Variants in CFAP69 observed in about 807,000 individuals in gnomAD.
CFAP69 encodes the protein cilia- and flagella-associated protein 69.
A neutral mutation model predicts 123.0 loss-of-function variants in CFAP69; 92 were observed. That is an observed-to-expected ratio of 0.75 (90% CI 0.63 to 0.89). The LOEUF (loss-of-function observed/expected upper bound fraction) is 0.89. Ranked by LOEUF, CFAP69 falls within the 40% of genes least tolerant of loss-of-function variation. The pLI is 0.00. For missense variants in CFAP69, 1,067 were observed against 1,096.9 expected (o/e 0.97, Z 0.39); for synonymous variants, 380 against 364.3 (o/e 1.04, Z -0.49).
chr7:90,277,401 G>T, intron 11 of CFAP69, 67 bp downstream of exon 11: 1 of 1,228,038 alleles, frequency 8.1e-7, no homozygotes, highest in Non-Finnish European at 1.1e-6. Flanking sequence ...CTATTTTAAA[G>T]TCTTGACTGT....
At chr7:90,288,562 A>G (rs1411559343) in intron 15 of CFAP69, among the ~76,000 whole-genome samples, 2 of 152,182 alleles carry the variant, frequency 1.3e-5, no homozygotes, top group Non-Finnish European at 2.9e-5. Context: ...ATGTCATATT[A>G]CTGTACTGAA....
chr7:90,312,342 C>G (rs574583040), downstream of CFAP69, among the ~76,000 whole-genome samples: 63 of 152,236 alleles, frequency 4.1e-4, 1 homozygote, highest in Non-Finnish European at 8.8e-5. Context: ...ATGAATATAA[C>G]CAAGGTGTGG....
At chr7:90,265,436 G>A in intron 5 of CFAP69, 59 bp downstream of exon 5, 1 of 1,140,820 alleles carries the variant, frequency 8.8e-7, no homozygotes, top group Non-Finnish European at 1.3e-6. Context: ...CTACTGACAA[G>A]GGAATATCTA....
chr7:90,310,252 CT>C lies in CFAP69; in HGVS notation c.*19del. On this transcript the variant is annotated 3_prime_UTR_variant, in exon 23 of 23. Coordinates refer to ENST00000389297, the MANE Select transcript of CFAP69 (RefSeq NM_001039706.3). Reference sequence around the variant, plus strand: ...ATTCCTACGTAATATACTATAGAGACTTTTTGAAATAAAGTCAGCTTATAAT... The same window carrying C: ...ATTCCTACGTAATATACTATAGAGACTTTTGAAATAAAGTCAGCTTATAAT... 1 of 1,568,604 alleles carries C rather than the reference CT, an allele frequency of 6.4e-7. No homozygotes were observed. Among genetic ancestry groups the C allele is most frequent in the Non-Finnish European group, 8.7e-7 (1 of 1,154,820 alleles).
chr7:90,266,382 T>C (rs1031513006), intron 5 of CFAP69, among the ~76,000 whole-genome samples: 6 of 152,132 alleles, frequency 3.9e-5, no homozygotes, highest in Non-Finnish European at 8.8e-5. Flanking sequence ...TTCAGAAATA[T>C]GGGAATTTTT....
chr7:90,288,831 T>G (rs529587621), intron 15 of CFAP69, among the ~76,000 whole-genome samples: 1 of 152,212 alleles, frequency 6.6e-6, no homozygotes, highest in Non-Finnish European at 1.5e-5. Context: ...TACACTAAAC[T>G]TACTTTTAAA....
At chr7:90,256,500 T>C (rs914859834) in intron 2 of CFAP69, among the ~76,000 whole-genome samples, 1 of 151,368 alleles carries the variant, frequency 6.6e-6, no homozygotes, top group Non-Finnish European at 1.5e-5. Context: ...ACATTCTGCA[T>C]GTGTATCCCA....
chr7:90,288,138 C>A (rs2117160572), intron 14 of CFAP69, 96 bp from the exon 15 acceptor site: 1 of 875,822 alleles, frequency 1.1e-6, no homozygotes, highest in Non-Finnish European at 1.7e-6. Context: ...CTGTATTTCT[C>A]TGGTAAAAAA....
chr7:90,286,786 T>G (rs568308313), intron 14 of CFAP69, among the ~76,000 whole-genome samples: 43 of 152,280 alleles, frequency 2.8e-4, no homozygotes, highest in African/African-American at 8.9e-4. Flanking sequence ...AGCATCATAT[T>G]TTAGAAATAT....
chr7:90,313,255 C>T (rs1358070888), downstream of CFAP69, among the ~76,000 whole-genome samples: 2 of 152,180 alleles, frequency 1.3e-5, no homozygotes, highest in Non-Finnish European at 2.9e-5. Context: ...AAAGATTTTT[C>T]AGGTGAGCAG....
intron 1 of CFAP69, 95 bp downstream of exon 1, chr7:90,245,639 G>A: frequency 7.2e-7 from 1 of 1,391,236 alleles, no homozygotes; most frequent in Non-Finnish European, 9.4e-7. Flanking sequence ...GTGGAACTGG[G>A]GACAGGAGTG....
chr7:90,284,468 C>A (rs552377140), intron 13 of CFAP69, among the ~76,000 whole-genome samples: 32 of 152,144 alleles, frequency 2.1e-4, no homozygotes, highest in African/African-American at 7.5e-4. Context: ...TGTGTAGACA[C>A]TGGGGTTACA....
intron 17 of CFAP69, chr7:90,303,701 A>G (rs1268652957): frequency 6.9e-6 from 7 of 1,007,916 alleles, no homozygotes; most frequent in African/African-American, 3.4e-5. Context: ...TTATTTACAT[A>G]GAAGTTTTAC....
chr7:90,299,871 AC>A lies in CFAP69; in HGVS notation c.1864del (p.Gln622LysfsTer7). ...TTTTCTGTTTCCTTGCTAAAGTTGA[AC>A]CAAAAAAAATTCTGTAATCTAATAC... ...IFLLLDLLAL[N>X]QKKFCNLILG... On this transcript the variant is annotated frameshift_variant, in exon 17 of 23. Coordinates refer to ENST00000389297, the MANE Select transcript of CFAP69 (RefSeq NM_001039706.3). 1 of 1,597,954 alleles carries A rather than the reference AC, an allele frequency of 6.3e-7. No homozygotes were observed. The highest frequency in any genetic ancestry group is 8.5e-7 in the Non-Finnish European group (1 of 1,173,184).
chr7:90,271,804 A>C lies in CFAP69; in HGVS notation c.706A>C (p.Lys236Gln). The C allele has an allele frequency of 3.8e-6, 6 of 1,582,010 alleles. No homozygotes were observed. The highest frequency in any genetic ancestry group is 4.3e-6 in the Non-Finnish European group (5 of 1,163,938). The stretch of plus-strand genomic sequence containing the variant: ...AGAAGTTAATTGTACTATAATGATG[A>C]AAGCACAAGCAGCCAGTGGAATCTG... ...TSEVNCTIMM[K>Q]AQAASGICTH... The change falls in exon 8 of 23, where the codon AAA becomes CAA. Residue 236 changes from lysine (K) to glutamine (Q), a missense_variant. By Grantham distance (53) the Lys-to-Gln change is moderately conservative. Transcript: ENST00000389297.
At chr7:90,278,455 A>G (rs565750585) in intron 11 of CFAP69, among the ~76,000 whole-genome samples, 1 of 152,192 alleles carries the variant, frequency 6.6e-6, no homozygotes, top group Admixed American at 6.5e-5. Context: ...ACTGTGTAGA[A>G]CCTAAATGTA....
At chr7:90,295,305 CAA>C (rs1405507843) in intron 15 of CFAP69, among the ~76,000 whole-genome samples, 1 of 152,274 alleles carries the variant, frequency 6.6e-6, no homozygotes, top group East Asian at 1.9e-4. Context: ...CAGGGTCGGT[CAA>C]GTTTCCTTGC....
intron 20 of CFAP69, 87 bp downstream of exon 20, chr7:90,307,185 G>GTCCTACTGTGCTA: frequency 1.1e-6 from 1 of 886,004 alleles, no homozygotes; most frequent in Admixed American, 2.5e-5. Flanking sequence ...AAGTTCTGTT[G>GTCCTACTGTGCTA]TTCAATAGCA....
intron 1 of CFAP69, among the ~76,000 whole-genome samples, chr7:90,246,424 T>G (rs1349797554): frequency 1.3e-5 from 2 of 152,230 alleles, no homozygotes; most frequent in Non-Finnish European, 2.9e-5. Context: ...AATCTCAGGC[T>G]GCGTCAGGAA....
Sources: gnomAD v4.1 joint callset for allele counts (sites outside exome capture counted in the v4.1 genomes callset) on GRCh38, gnomAD v4.1.1 for gene constraint, MANE v1.5 for transcripts, NCBI Gene and HGNC (gene_info 2026-07-23, HGNC 2026-07-21) for gene names.